The following PDZRN3 variants were observed in gnomAD, a reference collection of about 807,000 sequenced individuals.
PDZRN3 encodes E3 ubiquitin-protein ligase PDZRN3.
A neutral mutation model predicts 85.7 loss-of-function variants in PDZRN3; 38 were observed. The ratio of observed to expected loss-of-function variants is 0.44; its 90% confidence interval spans 0.34 to 0.58. The LOEUF is 0.58. PDZRN3 is among the 20% of genes least tolerant of loss of function. The probability of loss-of-function intolerance (pLI) is 0.01; values close to 1 mark genes in which losing one functional copy is unlikely to be tolerated. For synonymous variants in PDZRN3, 759 were observed against 638.0 expected (o/e 1.19, Z -2.86); for missense variants, 1,629 against 1,506.4 (o/e 1.08, Z -1.35).
chr3:73,528,167 C>A (rs1704569014), intron 3 of PDZRN3, among the ~76,000 whole-genome samples: 1 of 152,200 alleles, frequency 6.6e-6, no homozygotes, highest in African/African-American at 2.4e-5. Context: ...TGCCTTGGAT[C>A]TCTCCTCCTT....
intron 3 of PDZRN3, among the ~76,000 whole-genome samples, chr3:73,578,346 T>C (rs895690182): frequency 6.6e-6 from 1 of 151,948 alleles, no homozygotes; most frequent in Admixed American, 6.6e-5. Context: ...TTTTTTGTAT[T>C]TTTTTATTAG....
chr3:73,541,126 C>G (rs1704911272), intron 3 of PDZRN3, among the ~76,000 whole-genome samples: 1 of 152,096 alleles, frequency 6.6e-6, no homozygotes, highest in Non-Finnish European at 1.5e-5. Context: ...AAAAATGTTG[C>G]CTAACCTCCA....
chr3:73,530,013 T>C (rs964153678), intron 3 of PDZRN3, among the ~76,000 whole-genome samples: 4 of 152,226 alleles, frequency 2.6e-5, no homozygotes, highest in African/African-American at 9.6e-5. Context: ...GTCACCATCA[T>C]CATCATCATT....
intron 3 of PDZRN3, among the ~76,000 whole-genome samples, chr3:73,574,355 T>C (rs1306388652): frequency 1.3e-5 from 2 of 150,862 alleles, no homozygotes; most frequent in Non-Finnish European, 2.9e-5. Context: ...TGAGCTGGTA[T>C]AGCTGAGAAA....
intron 3 of PDZRN3, among the ~76,000 whole-genome samples, chr3:73,453,519 CA>C (rs1464529530): frequency 1.3e-5 from 2 of 150,732 alleles, no homozygotes; most frequent in Non-Finnish European, 2.9e-5. Flanking sequence ...TTGCTTTACT[CA>C]ATGGCTGTTT....
intron 3 of PDZRN3, among the ~76,000 whole-genome samples, chr3:73,512,569 T>C (rs892322895): frequency 1.5e-4 from 23 of 152,098 alleles, no homozygotes; most frequent in Admixed American, 1.5e-3. Context: ...ACTCTCTCCT[T>C]CCATAAATAA....
At chr3:73,521,146 A>G (rs944110336) in intron 3 of PDZRN3, among the ~76,000 whole-genome samples, 5 of 152,110 alleles carry the variant, frequency 3.3e-5, no homozygotes, top group African/African-American at 1.2e-4. Context: ...CTGCCAATGT[A>G]TGTTTTCCCT....
At chr3:73,577,175 A>C (rs138844026) in intron 3 of PDZRN3, among the ~76,000 whole-genome samples, 27 of 152,296 alleles carry the variant, frequency 1.8e-4, no homozygotes, top group Non-Finnish European at 2.8e-4. Context: ...AGCTTGGTGT[A>C]ATGTCTTTCC....
At chr3:73,532,232 A>C (rs972040085) in intron 3 of PDZRN3, among the ~76,000 whole-genome samples, 12 of 151,648 alleles carry the variant, frequency 7.9e-5, no homozygotes, top group African/African-American at 2.2e-4. Flanking sequence ...CGATCTCCTG[A>C]CCTCGTGATC....
At chr3:73,593,460 G>A (rs1036970792) in intron 3 of PDZRN3, among the ~76,000 whole-genome samples, 6 of 152,046 alleles carry the variant, frequency 3.9e-5, no homozygotes, top group Admixed American at 1.3e-4. Flanking sequence ...ACTCTAACAC[G>A]GACAGAGGAT....
intron 2 of PDZRN3, among the ~76,000 whole-genome samples, chr3:73,605,942 A>G (rs1433491778): frequency 6.6e-6 from 1 of 152,238 alleles, no homozygotes; most frequent in Non-Finnish European, 1.5e-5. Flanking sequence ...AGAAAAAGAA[A>G]ATAACTTAGA....
chr3:73,422,697 T>C (rs539209418), intron 3 of PDZRN3, among the ~76,000 whole-genome samples: 21 of 152,316 alleles, frequency 1.4e-4, no homozygotes, highest in African/African-American at 4.8e-4. Flanking sequence ...TCAGTGGTGG[T>C]TGACTCCCTC....
At chr3:73,419,075 C>A (rs1702147865) in intron 3 of PDZRN3, among the ~76,000 whole-genome samples, 1 of 152,112 alleles carries the variant, frequency 6.6e-6, no homozygotes, top group Admixed American at 6.6e-5. Context: ...CGGAGAAAAA[C>A]CTGCAGCATT....
At chr3:73,609,178 A>G (rs982547215) in intron 1 of PDZRN3, among the ~76,000 whole-genome samples, 2 of 152,118 alleles carry the variant, frequency 1.3e-5, no homozygotes, top group Non-Finnish European at 2.9e-5. Flanking sequence ...AAAATAGTGC[A>G]TGAAAAGTGA....
At chr3:73,403,066 C>T (rs1177302471) in intron 4 of PDZRN3, among the ~76,000 whole-genome samples, 1 of 151,958 alleles carries the variant, frequency 6.6e-6, no homozygotes, top group South Asian at 2.1e-4. Context: ...GCCTCAGCCT[C>T]CCGAGTAGCT....
intron 9 of PDZRN3, among the ~76,000 whole-genome samples, chr3:73,385,278 C>T (rs992305739): frequency 2.0e-5 from 3 of 152,194 alleles, no homozygotes; most frequent in Admixed American, 6.5e-5. Flanking sequence ...CAATAAGTGG[C>T]TCATTAAGAC....
At chr3:73,579,238 C>T (rs1482113159) in intron 3 of PDZRN3, among the ~76,000 whole-genome samples, 5 of 152,142 alleles carry the variant, frequency 3.3e-5, no homozygotes, top group African/African-American at 4.8e-5. Context: ...TGCAGACAGC[C>T]TTTACTAAAC....
intron 3 of PDZRN3, among the ~76,000 whole-genome samples, chr3:73,591,113 A>T (rs1702351377): frequency 6.6e-6 from 1 of 152,190 alleles, no homozygotes; most frequent in Non-Finnish European, 1.5e-5. Flanking sequence ...GGTGTATTAC[A>T]TTCATATCAA....
chr3:73,449,696 A>T (rs1217211479), intron 3 of PDZRN3, among the ~76,000 whole-genome samples: 1 of 152,234 alleles, frequency 6.6e-6, no homozygotes, highest in African/African-American at 2.4e-5. Flanking sequence ...TGAATATGTA[A>T]TTTAATTAAA....
Sources: allele counts gnomAD v4.1 joint callset (sites outside exome capture counted in the v4.1 genomes callset), GRCh38; gene constraint gnomAD v4.1.1; transcripts MANE v1.5; gene names NCBI Gene and HGNC (gene_info 2026-07-23, HGNC 2026-07-21).